SLC36A3: variants seen among roughly 807,000 people sequenced by gnomAD.
The protein encoded by SLC36A3 is proton-coupled amino acid transporter 3.
A neutral mutation model predicts 44.3 loss-of-function variants in SLC36A3; 35 were observed. The observed-to-expected ratio is 0.79, with a 90% CI of 0.60 to 1.05. The LOEUF is 1.05. SLC36A3 is among the 50% of genes least tolerant of loss of function. SLC36A3 has a pLI of 0.00. For synonymous variants in SLC36A3, 211 were observed against 227.6 expected, an observed-to-expected ratio of 0.93 and a Z score of 0.66; for missense variants, 540 against 578.7, an observed-to-expected ratio of 0.93 and a Z score of 0.69.
intron 9 of SLC36A3, among the ~76,000 whole-genome samples, chr5:151,280,564 TAAG>T (rs914107582): frequency 2.0e-5 from 3 of 152,366 alleles, no homozygotes; most frequent in Non-Finnish European, 4.4e-5. Context: ...TAATTTATGA[TAAG>T]AAGAAATATG....
At chr5:151,282,002 C>G (rs1366653513) in intron 8 of SLC36A3, among the ~76,000 whole-genome samples, 8 of 151,384 alleles carry the variant, frequency 5.3e-5, no homozygotes, top group Non-Finnish European at 1.2e-4. Context: ...CATGCTCATA[C>G]AGAATGTAGG....
At chr5:151,280,372 T>A (rs932350469) in intron 9 of SLC36A3, among the ~76,000 whole-genome samples, 2 of 152,124 alleles carry the variant, frequency 1.3e-5, no homozygotes, top group Non-Finnish European at 2.9e-5. Context: ...GAGAATCTCT[T>A]GAACCTGGGA....
chr5:151,287,530 G>A (rs1048166918), intron 5 of SLC36A3, 66 bp from the exon 6 acceptor site: 1 of 1,457,454 alleles, frequency 6.9e-7, no homozygotes, highest in Admixed American at 1.8e-5. Context: ...AATTACATTT[G>A]AATTTCAGGT....
Position 151,303,445 on chromosome 5 carries a change from G to A in SLC36A3, c.-91C>T, listed in dbSNP as rs1294041524. 7.3e-7 allele frequency: 1 copy of A among 1,376,386 alleles called. No homozygotes were observed. The highest frequency in any genetic ancestry group is 1.4e-5 in the South Asian group (1 of 69,248). 85.3% of individuals were successfully genotyped at this position (1,376,386 alleles called of 1,614,324 possible). A position where few individuals can be genotyped will look rare whatever the true frequency, so the allele number is the denominator to read the frequency against. On this transcript the variant is annotated 5_prime_UTR_variant, in exon 1 of 10. Coordinates refer to ENST00000335230, the MANE Select transcript of SLC36A3 (RefSeq NM_181774.4). The stretch of plus-strand genomic sequence containing the variant: ...TTTCTCCAGAGAAACCATGGCTGCT[G>A]ACCTGAGATGCTGGCTCCTAACCCC...
chr5:151,300,949 C>G (rs1393016680), intron 1 of SLC36A3, among the ~76,000 whole-genome samples: 1 of 152,224 alleles, frequency 6.6e-6, no homozygotes, highest in Non-Finnish European at 1.5e-5. Context: ...CTTTCCATGT[C>G]CATACATTTC....
At chr5:151,297,295 A>G (rs956275204) in intron 2 of SLC36A3, 3 of 152,222 alleles carry the variant, frequency 2.0e-5, no homozygotes, top group Admixed American at 1.3e-4. Context: ...TGTCTTAAAA[A>G]CAAATACCAC....
At chr5:151,301,767 C>A (rs1364305013) in intron 1 of SLC36A3, among the ~76,000 whole-genome samples, 1 of 150,702 alleles carries the variant, frequency 6.6e-6, no homozygotes, top group Non-Finnish European at 1.5e-5. Flanking sequence ...TCTTGCACAG[C>A]AGATTCTGCA....
rs79620318 is a variant in SLC36A3, at chr5:151,285,273, G to A, written c.709-562C>T. On this transcript the variant is annotated intron_variant, in intron 6 of 9. Transcript: ENST00000335230. ...CCACTCTATATATAGACACCAAATC[G>A]TGTTCATCCTTTCATCACTTACTTG... 9.7e-3 allele frequency among the ~76,000 whole-genome samples: 1,469 copies of A among 152,208 alleles called. 16 individuals carry two copies. The highest frequency in any genetic ancestry group is 0.034 in the African/African-American group (1,396 of 41,520).
intron 1 of SLC36A3, among the ~76,000 whole-genome samples, chr5:151,299,222 TGC>T (rs1491202371): frequency 3.4e-4 from 40 of 118,380 alleles, no homozygotes; most frequent in Admixed American, 1.2e-3. Flanking sequence ...GAATTGCTTG[TGC>T]GCTCTCTCTC....
chr5:151,277,892 G>A (rs964141016), intron 9 of SLC36A3, among the ~76,000 whole-genome samples: 3 of 151,916 alleles, frequency 2.0e-5, no homozygotes, highest in Non-Finnish European at 2.9e-5. Context: ...ATCTTTATTG[G>A]AAGGGCTCTT....
intron 1 of SLC36A3, among the ~76,000 whole-genome samples, chr5:151,302,955 C>T (rs746629553): frequency 6.6e-6 from 1 of 152,054 alleles, no homozygotes; most frequent in South Asian, 2.1e-4. Flanking sequence ...AAAGGGCAGA[C>T]AGCCTGAGAT....
At chr5:151,287,075 A>G (rs1334983178) in intron 6 of SLC36A3, among the ~76,000 whole-genome samples, 171 bp downstream of exon 6, 1 of 152,218 alleles carries the variant, frequency 6.6e-6, no homozygotes, top group Non-Finnish European at 1.5e-5. Flanking sequence ...GATAATAATT[A>G]GCTTTTACAA....
chr5:151,295,066 GA>G (rs11341705), intron 3 of SLC36A3, among the ~76,000 whole-genome samples: 45,001 of 146,350 alleles, frequency 0.31, 7,150 homozygotes, highest in East Asian at 0.55. Flanking sequence ...AGTCATCAGA[GA>G]AAAAAAAAAA....
At position 151,287,264 on chromosome 5, in the gene SLC36A3, G is replaced by C. The variant is rs377652668; in HGVS notation, c.690C>G (p.Ile230Met). The C allele has an allele frequency of 6.2e-7, 1 of 1,614,010 alleles. No homozygotes were observed. Among genetic ancestry groups the C allele is most frequent in the African/African-American group, 1.3e-5 (1 of 74,910 alleles). ...NITTLGSMAL[I>M]FEYIMEGIPY... ...CACAGACCTCCATGATATACTCAAA[G>C]ATCAGAGCCATGCTCCCAAGGGTGG... Residue 230 changes from isoleucine (I) to methionine (M), a missense_variant, in exon 6 of 10, where the codon ATC becomes ATG. Physicochemically the swap from Ile to Met is conservative, Grantham distance 10. Transcript: ENST00000335230.
intron 1 of SLC36A3, among the ~76,000 whole-genome samples, chr5:151,300,907 C>T (rs909434891): frequency 6.6e-6 from 1 of 152,230 alleles, no homozygotes; most frequent in African/African-American, 2.4e-5. Flanking sequence ...GGATCCTCAA[C>T]TAATTTTCTG....
chr5:151,284,924 T>C (rs962770844), intron 6 of SLC36A3, among the ~76,000 whole-genome samples: 1 of 152,222 alleles, frequency 6.6e-6, no homozygotes, highest in African/African-American at 2.4e-5. Context: ...TTAACTATTT[T>C]AAGTGCACAG....
intron 3 of SLC36A3, 88 bp downstream of exon 3, chr5:151,296,092 C>T (rs969995961): frequency 1.8e-5 from 23 of 1,278,452 alleles, no homozygotes; most frequent in African/African-American, 1.0e-4. Flanking sequence ...GAGCAGTGGC[C>T]GAATTAATTG....
chr5:151,287,223 C>G (rs1754568010), intron 6 of SLC36A3, 23 bp downstream of exon 6: 2 of 1,612,556 alleles, frequency 1.2e-6, no homozygotes, highest in Non-Finnish European at 1.7e-6. Flanking sequence ...GGACCCTGAT[C>G]CTTTCTTCCC....
chr5:151,284,288 A>C, intron 7 of SLC36A3, 78 bp from the exon 8 acceptor site: 1 of 1,417,390 alleles, frequency 7.1e-7, no homozygotes, highest in Non-Finnish European at 9.6e-7. Context: ...GTTCCCGTAC[A>C]AGCACAAATG....
Sources: gnomAD v4.1 joint callset for allele counts (sites outside exome capture counted in the v4.1 genomes callset) on GRCh38, gnomAD v4.1.1 for gene constraint, MANE v1.5 for transcripts, NCBI Gene and HGNC (gene_info 2026-07-23, HGNC 2026-07-21) for gene names.